The following BEND7 variants were observed in gnomAD, a reference collection of about 807,000 sequenced individuals.
BEND7 encodes BEN domain-containing protein 7.
Under a neutral mutation model 50.9 loss-of-function variants are expected in BEND7, and 28 were observed. That is an observed-to-expected ratio of 0.55 (90% CI 0.41 to 0.75). BEND7 has a LOEUF of 0.75. BEND7 is among the 30% of genes least tolerant of loss of function. The probability of loss-of-function intolerance (pLI) is 0.00; values close to 1 mark genes in which losing one functional copy is unlikely to be tolerated. For missense variants in BEND7, 477 were observed against 491.3 expected (o/e 0.97, Z 0.28); for synonymous variants, 170 against 183.9 (o/e 0.92, Z 0.61).
chr10:13,441,933 C>T, intron 8 of BEND7, 183 bp from the exon 9 acceptor site: 2 of 625,802 alleles, frequency 3.2e-6, no homozygotes, highest in East Asian at 2.8e-5. Flanking sequence ...ATTGATTCTA[C>T]AAGCCACGCC....
chr10:13,518,705 T>C (rs540015269), intron 2 of BEND7, among the ~76,000 whole-genome samples: 2 of 152,142 alleles, frequency 1.3e-5, no homozygotes, highest in Non-Finnish European at 2.9e-5. Flanking sequence ...ACATCAGAAA[T>C]CCCAAATTTC....
In BEND7 at chr10:13,443,426, A is replaced by G. The variant is rs895690768; in HGVS notation, c.1235-1676T>C. On this transcript the variant is annotated intron_variant, in intron 8 of 8. Transcript: ENST00000466271. ...TACCTACAACAGAGACAAGAAAATG[A>G]AGGCGGAGAGCCGCTTCTCTAAGGA... is the stretch of plus-strand genomic sequence containing the variant. 2.0e-5 allele frequency: 3 copies of G among 152,824 alleles called. No homozygotes were observed. The South Asian group carries it at 6.2e-4, about 32-fold the overall frequency. 9.5% of individuals were successfully genotyped at this position (152,824 alleles called of 1,614,324 possible). A position where few individuals can be genotyped will look rare whatever the true frequency, so the allele number is the denominator to read the frequency against.
intron 2 of BEND7, among the ~76,000 whole-genome samples, chr10:13,508,011 G>A (rs1011739034): frequency 6.6e-6 from 1 of 152,198 alleles, no homozygotes; most frequent in Non-Finnish European, 1.5e-5. Flanking sequence ...ATAGACTGAT[G>A]GGCGGCCTGT....
intron 2 of BEND7, among the ~76,000 whole-genome samples, chr10:13,505,344 G>A (rs777319659): frequency 2.0e-5 from 3 of 152,144 alleles, no homozygotes; most frequent in Non-Finnish European, 4.4e-5. Flanking sequence ...CCTCTCAGTC[G>A]CTGAGTGACC....
At chr10:13,446,042 C>A (rs745815523) in intron 8 of BEND7, 1 of 152,172 alleles carries the variant, frequency 6.6e-6, no homozygotes, top group Admixed American at 6.5e-5. Context: ...ACAGAGATCA[C>A]GTATTTCAAT....
chr10:13,526,866 GAAAAAGA>G lies in BEND7; in HGVS notation c.62-652_62-646del, dbSNP rs869123206. The stretch of plus-strand genomic sequence containing the variant: ...AGAAGAATCAGACCTATAATTAAAA[GAAAAAGA>G]AAAAAGGAAAAAGGAAAAACTTGCT... On this transcript the variant is annotated intron_variant, in intron 1 of 8. Transcript: ENST00000466271. Among the ~76,000 whole-genome samples the G allele has an allele frequency of 3.1e-3, 465 of 151,970 alleles. 2 individuals carry two copies. The highest frequency in any genetic ancestry group is 3.0e-3 in the Non-Finnish European group (202 of 67,908).
intron 2 of BEND7, among the ~76,000 whole-genome samples, chr10:13,520,997 G>A (rs1202071344): frequency 6.6e-6 from 1 of 152,118 alleles, no homozygotes; most frequent in African/African-American, 2.4e-5. Flanking sequence ...CCATTTTTCG[G>A]TCCTAGAGTA....
chr10:13,447,015 C>T, intron 8 of BEND7: 1 of 518,094 alleles, frequency 1.9e-6, no homozygotes, highest in East Asian at 3.5e-5. Context: ...TGTTATGATA[C>T]TTAGTTCTTA....
At chr10:13,477,174 A>G (rs1588839375) in intron 6 of BEND7, among the ~76,000 whole-genome samples, 1 of 152,196 alleles carries the variant, frequency 6.6e-6, no homozygotes, top group South Asian at 2.1e-4. Context: ...CCACTCTAAT[A>G]ATCACTTTTG....
chr10:13,507,649 T>G (rs547286034), intron 2 of BEND7, among the ~76,000 whole-genome samples: 12 of 152,304 alleles, frequency 7.9e-5, no homozygotes, highest in African/African-American at 2.9e-4. Flanking sequence ...AACAATGAAC[T>G]GAAAATGCAG....
intron 2 of BEND7, among the ~76,000 whole-genome samples, chr10:13,522,442 C>T (rs371749228): frequency 5.3e-5 from 8 of 152,168 alleles, no homozygotes; most frequent in East Asian, 1.9e-4. Flanking sequence ...AACTGAGCTT[C>T]GGTTCCCATC....
intron 6 of BEND7, among the ~76,000 whole-genome samples, chr10:13,463,138 T>A (rs774924938): frequency 2.6e-5 from 4 of 152,224 alleles, no homozygotes; most frequent in Non-Finnish European, 4.4e-5. Context: ...ATGCTGGAGA[T>A]TGCAAATGTT....
rs376188563 is a variant in BEND7 at position 13,441,117 on chromosome 10, C to T, written c.*626G>A. Reference sequence around the variant, plus strand: ...ATTAAAGTAATTTATTGTATTCTTCCAGATCAGACATAAAGAGCATCTTGG... The same window carrying T: ...ATTAAAGTAATTTATTGTATTCTTCTAGATCAGACATAAAGAGCATCTTGG... On this transcript the variant is annotated 3_prime_UTR_variant, in exon 9 of 9. Coordinates refer to ENST00000466271, the MANE Select transcript of BEND7 (RefSeq NM_001369863.1). The T allele has an allele frequency of 6.0e-5, 59 of 985,334 alleles. No homozygotes were observed. The East Asian group carries it at 3.4e-3, about 57-fold the overall frequency. The allele number at this position is 985,334 out of a possible 1,614,324, so 61.0% of individuals were successfully genotyped here. A position where few individuals can be genotyped will look rare whatever the true frequency, so the allele number is the denominator to read the frequency against.
intron 6 of BEND7, among the ~76,000 whole-genome samples, chr10:13,474,872 T>C (rs1168242872): frequency 1.3e-5 from 2 of 152,258 alleles, no homozygotes; most frequent in Non-Finnish European, 2.9e-5. Flanking sequence ...TTATTGCTGT[T>C]GGACTCAGGA....
rs574359484 is a variant in BEND7 at position 13,522,443 on chromosome 10, G to A, written c.145+3695C>T. Among the ~76,000 whole-genome samples, 8 of 152,222 alleles carry A rather than the reference G, an allele frequency of 5.3e-5. No homozygotes were observed. In the South Asian group the frequency reaches 1.2e-3, roughly 24 times the overall value. ...TCGTGAGGTCAGGTAACTGAGCTTC[G>A]GTTCCCATCATTATAGGAATCATTA... On this transcript the variant is annotated intron_variant, in intron 2 of 8. Coordinates refer to ENST00000466271, the MANE Select transcript of BEND7 (RefSeq NM_001369863.1).
chr10:13,471,781 C>T (rs1301981102), intron 6 of BEND7, among the ~76,000 whole-genome samples: 1 of 152,264 alleles, frequency 6.6e-6, no homozygotes, highest in Non-Finnish European at 1.5e-5. Context: ...AAACCAGGTG[C>T]TTGACAGAAA....
At chr10:13,519,758 C>A (rs1420868591) in intron 2 of BEND7, among the ~76,000 whole-genome samples, 1 of 152,178 alleles carries the variant, frequency 6.6e-6, no homozygotes, top group African/African-American at 2.4e-5. Flanking sequence ...GCTATGTAAA[C>A]TGAGGCGGCT....
chr10:13,520,232 G>T (rs2078990829), intron 2 of BEND7, among the ~76,000 whole-genome samples: 1 of 152,152 alleles, frequency 6.6e-6, no homozygotes, highest in Non-Finnish European at 1.5e-5. Context: ...AGTGTTAAAT[G>T]AGATAAAGTT....
chr10:13,483,507 T>TGC (rs1250997479), intron 5 of BEND7, among the ~76,000 whole-genome samples: 1 of 152,222 alleles, frequency 6.6e-6, no homozygotes, highest in Non-Finnish European at 1.5e-5. Flanking sequence ...TCATTTAAAA[T>TGC]GACTGGTGTT....
Sources: allele counts gnomAD v4.1 joint callset (sites outside exome capture counted in the v4.1 genomes callset), GRCh38; gene constraint gnomAD v4.1.1; transcripts MANE v1.5; gene names NCBI Gene and HGNC (gene_info 2026-07-23, HGNC 2026-07-21).